The following CSF1R variants were observed in gnomAD, a reference collection of about 807,000 sequenced individuals.
CSF1R encodes colony stimulating factor 1 receptor.
Under a neutral mutation model 110.0 loss-of-function variants are expected in CSF1R, and 40 were observed. The observed-to-expected ratio is 0.36, with a 90% CI of 0.28 to 0.47. CSF1R has a LOEUF of 0.47. Among genes scored for constraint, CSF1R ranks in the 20% least tolerant of loss-of-function variants. CSF1R has a pLI of 0.99. For synonymous variants in CSF1R, 523 were observed against 503.4 expected (o/e 1.04, Z -0.52); for missense variants, 1,052 against 1,253.0 (o/e 0.84, Z 2.42).
intron 1 of CSF1R, among the ~76,000 whole-genome samples, chr5:150,109,058 G>GCCCCCCCCCC (rs60014782): frequency 1.1e-3 from 132 of 119,620 alleles, no homozygotes; most frequent in Non-Finnish European, 1.5e-3. Context: ...GGAGAAGCCC[G>GCCCCCCCCCC]CCCCCCCCCC....
chr5:150,061,844 G>A lies in CSF1R; in HGVS notation c.1632C>T (p.Pro544=). The change falls in exon 11 of 21, where the codon CCC becomes CCT. Residue 544 remains proline (P), a synonymous_variant. Transcript: ENST00000675795. ...TGATCTTCCAGCGGACCTGGTACTT[G>A]GGCTTCTGCAGAAGAGGAAGGGAGC... ...LLLLYKYKQK[P]KYQVRWKIIE... 2 of 1,614,146 alleles carry A rather than the reference G, an allele frequency of 1.2e-6. No individual in the cohort carries two copies. Among genetic ancestry groups the A allele is most frequent in the Non-Finnish European group, 1.7e-6 (2 of 1,180,004 alleles).
At chr5:150,110,893 T>C (rs1293830429) in intron 1 of CSF1R, among the ~76,000 whole-genome samples, 1 of 151,376 alleles carries the variant, frequency 6.6e-6, no homozygotes, top group African/African-American at 2.4e-5. Context: ...ATATATGACA[T>C]AAATACTTGT....
chr5:150,080,427 G>T, intron 2 of CSF1R, 91 bp from the exon 3 acceptor site: 1 of 1,484,480 alleles, frequency 6.7e-7, no homozygotes, highest in Non-Finnish European at 9.1e-7. Context: ...GCTCAGAGAG[G>T]CTGATCATTC....
chr5:150,110,311 C>T (rs1013790068), intron 1 of CSF1R, among the ~76,000 whole-genome samples: 5 of 152,236 alleles, frequency 3.3e-5, no homozygotes, highest in Non-Finnish European at 5.9e-5. Context: ...GAACCTCTTC[C>T]CCTCCCCTGT....
chr5:150,064,647 T>A (rs1757680618), intron 10 of CSF1R, among the ~76,000 whole-genome samples: 2 of 152,218 alleles, frequency 1.3e-5, no homozygotes, highest in African/African-American at 4.8e-5. Context: ...TGGCTAAGAC[T>A]GTTTTTTCTT....
chr5:150,091,459 G>A (rs1423588978), upstream of CSF1R, among the ~76,000 whole-genome samples: 1 of 152,186 alleles, frequency 6.6e-6, no homozygotes, highest in Non-Finnish European at 1.5e-5. Flanking sequence ...ACTGGTACCT[G>A]CTACACTGTG....
chr5:150,087,399 A>G (rs1448389903), upstream of CSF1R, among the ~76,000 whole-genome samples: 1 of 152,204 alleles, frequency 6.6e-6, no homozygotes, highest in Non-Finnish European at 1.5e-5. Context: ...GCAAAACTTT[A>G]TGTAGGTAAG....
chr5:150,056,460 T>G, intron 16 of CSF1R, 119 bp from the exon 17 acceptor site: 1 of 1,328,104 alleles, frequency 7.5e-7, no homozygotes. Flanking sequence ...AACAACAGTT[T>G]TGGTCCTTTA....
At chr5:150,085,958 C>T (rs1342515147) in intron 1 of CSF1R, among the ~76,000 whole-genome samples, 1 of 152,134 alleles carries the variant, frequency 6.6e-6, no homozygotes, top group African/African-American at 2.4e-5. Flanking sequence ...TCAGGTCGCA[C>T]CTGAGACCGA....
At chr5:150,059,350 G>A (rs1327910351) in intron 14 of CSF1R, among the ~76,000 whole-genome samples, 1 of 152,134 alleles carries the variant, frequency 6.6e-6, no homozygotes, top group Non-Finnish European at 1.5e-5. Flanking sequence ...GGCCACATCT[G>A]CCCATCTCTT....
intron 1 of CSF1R, among the ~76,000 whole-genome samples, chr5:150,082,223 G>A (rs895415742): frequency 1.3e-5 from 2 of 152,210 alleles, no homozygotes; most frequent in Non-Finnish European, 2.9e-5. Flanking sequence ...CCAGTGATGG[G>A]GGCACAATGA....
At chr5:150,088,668 G>A (rs1758941542), upstream of CSF1R, among the ~76,000 whole-genome samples, 1 of 152,054 alleles carries the variant, frequency 6.6e-6, no homozygotes, top group Non-Finnish European at 1.5e-5. Context: ...CGAGTAGCTG[G>A]GATTACAGGC....
intron 15 of CSF1R, 48 bp from the exon 16 acceptor site, chr5:150,057,432 C>G (rs915620614): frequency 1.9e-6 from 3 of 1,610,542 alleles, no homozygotes; most frequent in Non-Finnish European, 2.5e-6. Context: ...CTCCCCACCC[C>G]TCACCCCAGC....
chr5:150,053,719 T>C lies in CSF1R; in HGVS notation c.*350A>G. The C allele has an allele frequency of 5.0e-6, 2 of 401,232 alleles. No individual in the cohort carries two copies. The allele number at this position is 401,232 out of a possible 1,614,324, so 24.9% of individuals were successfully genotyped here. A position where few individuals can be genotyped will look rare whatever the true frequency, so the allele number is the denominator to read the frequency against. ...GTTTTCTCAGTATCAGTGTAGCTCC[T>C]GGGGACTTCATAGGCATAAAGTCAG... is the stretch of plus-strand genomic sequence containing the variant. On this transcript the variant is annotated 3_prime_UTR_variant, in exon 21 of 21. Transcript: ENST00000675795.
chr5:150,070,295 T>G lies in CSF1R; in HGVS notation c.1206A>C (p.Pro402=). 6.2e-7 allele frequency: 1 copy of G among 1,613,834 alleles called. No individual in the cohort carries two copies. The highest frequency in any genetic ancestry group is 8.5e-7 in the Non-Finnish European group (1 of 1,179,858). ...LTFELTLRYP[P]EVSVIWTFIN... ...TGAATGTCCATATGACGCTTACCTC[T>G]GGGGGGTCTGAGGAAGAAAGGAGGA... The change falls in exon 8 of 21, where the codon CCA becomes CCC. Residue 402 remains proline (P), a synonymous_variant. Transcript: ENST00000675795.
rs549775847 is a variant in CSF1R, at chr5:150,054,345, C to G, written c.2740G>C (p.Ala914Pro). Reference protein sequence around the residue: ...QQICSFLQEQAQEDRRERDYT... With the variant: ...QQICSFLQEQPQEDRRERDYT... The stretch of plus-strand genomic sequence containing the variant: ...ACCCGCTCTCTCCTGTCCTCTTGGG[C>G]CTGCTCCTGAAGGAAGGAGCAGATC... Residue 914 changes from alanine (A) to proline (P), a missense_variant, in exon 20 of 21, where the codon GCC becomes CCC. Physicochemically the swap from Ala to Pro is conservative, Grantham distance 27. This residue lies in a region of CSF1R where 85 missense variants were observed against 78.8 expected (regional missense o/e 1.08). Coordinates refer to ENST00000675795, the MANE Select transcript of CSF1R (RefSeq NM_001288705.3). 3 of 1,613,986 alleles carry G rather than the reference C, an allele frequency of 1.9e-6. No individual in the cohort carries two copies. The Admixed American group carries it at 5.0e-5, about 27-fold the overall frequency.
intron 13 of CSF1R, among the ~76,000 whole-genome samples, chr5:150,060,225 G>T: frequency 6.6e-6 from 1 of 151,834 alleles, no homozygotes; most frequent in Non-Finnish European, 1.5e-5. Context: ...TACTCAGGAG[G>T]TTGAGGCAGG....
intron 1 of CSF1R, among the ~76,000 whole-genome samples, chr5:150,102,003 G>A (rs1023679329): frequency 2.0e-5 from 3 of 152,106 alleles, no homozygotes; most frequent in African/African-American, 7.2e-5. Flanking sequence ...CTCATCGTAT[G>A]GATGTACCAT....
upstream of CSF1R, among the ~76,000 whole-genome samples, chr5:150,087,153 G>A (rs549412032): frequency 3.3e-5 from 5 of 152,174 alleles, no homozygotes; most frequent in Non-Finnish European, 5.9e-5. Context: ...CACCAGATTC[G>A]TGTCTGCTGC....
Sources: allele counts gnomAD v4.1 joint callset (sites outside exome capture counted in the v4.1 genomes callset), GRCh38; gene constraint gnomAD v4.1.1; regional missense constraint gnomAD v4.1.1; transcripts MANE v1.5; gene names NCBI Gene and HGNC (gene_info 2026-07-23, HGNC 2026-07-21).